The following GALK2 variants were observed in gnomAD, a reference collection of about 807,000 sequenced individuals.
GALK2 encodes the protein N-acetylgalactosamine kinase.
A neutral mutation model predicts 52.4 loss-of-function variants in GALK2; 36 were observed. The observed-to-expected ratio is 0.69, with a 90% CI of 0.53 to 0.91. The LOEUF (loss-of-function observed/expected upper bound fraction) is 0.91. Among genes scored for constraint, GALK2 ranks in the 40% least tolerant of loss-of-function variants. The probability of loss-of-function intolerance (pLI) is 0.00; values close to 1 mark genes in which losing one functional copy is unlikely to be tolerated. For synonymous variants in GALK2, 176 were observed against 199.1 expected, an observed-to-expected ratio of 0.88 and a Z score of 0.98; for missense variants, 579 against 559.1, an observed-to-expected ratio of 1.04 and a Z score of -0.36.
chr15:49,217,244 A>G lies in GALK2; in HGVS notation c.197A>G (p.Asp66Gly). Reference sequence around the variant, plus strand: ...GTTCTTCCTATGGCTGTAGAACAAGATGTGCTAATAGCTGTAGAACCTGTG... The same window carrying G: ...GTTCTTCCTATGGCTGTAGAACAAGGTGTGCTAATAGCTGTAGAACCTGTG... ...YSVLPMAVEQ[D>G]VLIAVEPVKT... is the part of the protein sequence containing the mutation. The change falls in exon 3 of 10, where the codon GAT becomes GGT. Residue 66 changes from aspartate (D) to glycine (G), a missense_variant. Coordinates refer to ENST00000560031, the MANE Select transcript of GALK2 (RefSeq NM_002044.4). 5.0e-6 allele frequency: 8 copies of G among 1,612,690 alleles called. No individual in the cohort carries two copies. The highest frequency in any genetic ancestry group is 6.8e-6 in the Non-Finnish European group (8 of 1,178,708).
intron 3 of GALK2, among the ~76,000 whole-genome samples, chr15:49,337,788 T>G (rs2151195958): frequency 6.6e-6 from 1 of 152,070 alleles, no homozygotes; most frequent in African/African-American, 2.4e-5. Flanking sequence ...TCTGTTCTTG[T>G]GTTAGTTTGC....
chr15:49,327,051 C>T (rs569408324), intron 9 of GALK2: 2 of 151,946 alleles, frequency 1.3e-5, no homozygotes, highest in Admixed American at 6.5e-5. Flanking sequence ...TGTTAACTTT[C>T]GTGTCAGGAT....
At chr15:49,155,825 T>C in exon 1 of GALK2, 2 of 745,530 alleles carry the variant, frequency 2.7e-6, no homozygotes, top group South Asian at 1.7e-5. Flanking sequence ...CATCGTCCGG[T>C]GCTGCAGGTC....
chr15:49,340,105 C>T (rs939807725), intron 3 of GALK2, among the ~76,000 whole-genome samples: 11 of 152,158 alleles, frequency 7.2e-5, no homozygotes, highest in Non-Finnish European at 1.5e-4. Context: ...TGGCTTCTGC[C>T]CCCTTTCCAG....
chr15:49,337,162 A>C (rs554635333), intron 3 of GALK2, among the ~76,000 whole-genome samples: 219 of 152,296 alleles, frequency 1.4e-3, no homozygotes, highest in Admixed American at 4.4e-3. Context: ...ATATGAGTAC[A>C]TATGTCTTTT....
At chr15:49,187,152 G>A (rs1408039207) in intron 1 of GALK2, among the ~76,000 whole-genome samples, 1 of 152,154 alleles carries the variant, frequency 6.6e-6, no homozygotes, top group African/African-American at 2.4e-5. Context: ...TTTATTAGGG[G>A]GTACCCCACA....
At chr15:49,236,147 G>A (rs2090792533) in intron 4 of GALK2, among the ~76,000 whole-genome samples, 1 of 152,208 alleles carries the variant, frequency 6.6e-6, no homozygotes, top group Non-Finnish European at 1.5e-5. Flanking sequence ...TTTTTATACA[G>A]CTGGCTGTTC....
chr15:49,160,674 C>T (rs1233327204), intron 1 of GALK2, among the ~76,000 whole-genome samples: 3 of 152,134 alleles, frequency 2.0e-5, no homozygotes, highest in South Asian at 2.1e-4. Flanking sequence ...ACCATCCTGG[C>T]GAACATGGTG....
chr15:49,365,115 CATA>C lies in GALK2; in HGVS notation c.427-2372_427-2370del, dbSNP rs1044315758. The stretch of plus-strand genomic sequence containing the variant: ...TCAATGACACATTATAGCAGTTCCA[CATA>C]ATATTATTGCTGGACAATCTGTTCA... On this transcript the variant is annotated intron_variant, in intron 3 of 3. Coordinates refer to the GALK2 transcript ENST00000558399. 4 of 698,706 alleles carry C rather than the reference CATA, an allele frequency of 5.7e-6. No homozygotes were observed. In the African/African-American group the frequency reaches 7.1e-5, roughly 12 times the overall value. 43.3% of individuals were successfully genotyped at this position (698,706 alleles called of 1,614,324 possible).
intron 5 of GALK2, among the ~76,000 whole-genome samples, chr15:49,251,230 T>C (rs373656771): frequency 4.6e-5 from 7 of 152,274 alleles, no homozygotes; most frequent in East Asian, 3.9e-4. Context: ...GGCTAATACA[T>C]TGTGGCCAAG....
upstream of GALK2, among the ~76,000 whole-genome samples, chr15:49,168,466 C>A (rs1246892613): frequency 6.6e-6 from 1 of 152,124 alleles, no homozygotes; most frequent in East Asian, 1.9e-4. Flanking sequence ...CACCTTTAAT[C>A]CCAGAATTTT....
chr15:49,358,795 G>A (rs6493365), intron 3 of GALK2, among the ~76,000 whole-genome samples: 144,884 of 152,164 alleles, frequency 0.95, 69,046 homozygotes, highest in African/African-American at 0.99. Flanking sequence ...ACTTAAGCCA[G>A]AAGAACAAAG....
intron 1 of GALK2, among the ~76,000 whole-genome samples, chr15:49,184,401 T>C (rs1237794606): frequency 6.6e-6 from 1 of 152,196 alleles, no homozygotes; most frequent in African/African-American, 2.4e-5. Context: ...CAACAGATCA[T>C]TGGATTTTGT....
Position 49,348,019 on chromosome 15 carries a change from CAAA to C in GALK2, c.427-19451_427-19449del, listed in dbSNP as rs67614443. 4.3e-5 allele frequency among the ~76,000 whole-genome samples: 3 copies of C among 70,086 alleles called. No individual in the cohort carries two copies. The South Asian group carries it at 1.8e-3, about 41-fold the overall frequency. 46.0% of individuals were successfully genotyped at this position (70,086 alleles called of 152,430 possible). A position where few individuals can be genotyped will look rare whatever the true frequency, so the allele number is the denominator to read the frequency against. On this transcript the variant is annotated intron_variant, in intron 3 of 3. Transcript: ENST00000558399. Reference sequence around the variant, plus strand: ...GGGTGACAAGAGCAAAACTCTGTCTCAAAAAAAAAAAAAAAAAAAAAAAGGCTA... The same window carrying C: ...GGGTGACAAGAGCAAAACTCTGTCTCAAAAAAAAAAAAAAAAAAAAGGCTA...
chr15:49,181,051 C>G (rs1243313441), intron 1 of GALK2, among the ~76,000 whole-genome samples: 1 of 117,312 alleles, frequency 8.5e-6, no homozygotes, highest in African/African-American at 2.9e-5. Flanking sequence ...TTCCTTCCTT[C>G]CCTCCCTCCC....
chr15:49,286,803 C>T (rs888804786), intron 7 of GALK2, among the ~76,000 whole-genome samples: 4 of 152,074 alleles, frequency 2.6e-5, no homozygotes, highest in African/African-American at 4.8e-5. Context: ...TGTTTGAGGG[C>T]TTAGTCTTGT....
chr15:49,319,534 G>A (rs2036711424), intron 8 of GALK2, 70 bp from the exon 9 acceptor site: 7 of 1,284,036 alleles, frequency 5.5e-6, no homozygotes, highest in Non-Finnish European at 7.7e-6. Flanking sequence ...CTTTAAAAGT[G>A]TATTTTTCTT....
At chr15:49,248,437 G>A (rs2091449641) in intron 5 of GALK2, among the ~76,000 whole-genome samples, 1 of 152,132 alleles carries the variant, frequency 6.6e-6, no homozygotes, top group Non-Finnish European at 1.5e-5. Context: ...CAGCAGTATG[G>A]CCTCTGAAAA....
rs77917939 is a variant in GALK2, at chr15:49,292,445, C to G, written c.875C>G (p.Pro292Arg). The change falls in exon 8 of 10, where the codon CCT becomes CGT. Residue 292 changes from proline (P) to arginine (R), a missense_variant. Coordinates refer to ENST00000560031, the MANE Select transcript of GALK2 (RefSeq NM_002044.4). ...TTGGTCACAGAAGATGCCCTTCATC[C>G]TGAACCCTATAACCCTGAGGAGATC... is the stretch of plus-strand genomic sequence containing the variant. ...MLLVTEDALH[P>R]EPYNPEEICR... 2 of 1,614,052 alleles carry G rather than the reference C, an allele frequency of 1.2e-6. No individual in the cohort carries two copies. The highest frequency in any genetic ancestry group is 2.2e-5 in the South Asian group (2 of 91,078).
Sources: gnomAD v4.1 joint callset for allele counts (sites outside exome capture counted in the v4.1 genomes callset) on GRCh38, gnomAD v4.1.1 for gene constraint, MANE v1.5 for transcripts, NCBI Gene and HGNC (gene_info 2026-07-23, HGNC 2026-07-21) for gene names.